Variants in PTPRG observed in about 807,000 individuals in gnomAD.
PTPRG encodes the protein receptor-type tyrosine-protein phosphatase gamma.
A neutral mutation model predicts 165.3 loss-of-function variants in PTPRG; 102 were observed. That is an observed-to-expected ratio of 0.62 (90% CI 0.53 to 0.73). PTPRG has a LOEUF of 0.73. Ranked by LOEUF, PTPRG falls within the 30% of genes least tolerant of loss-of-function variation. PTPRG has a pLI of 0.00. For missense variants in PTPRG, 1,866 were observed against 1,861.4 expected (o/e 1.00, Z -0.05); for synonymous variants, 675 against 669.5 (o/e 1.01, Z -0.13).
chr3:62,234,837 G>A (rs1576164693), intron 14 of PTPRG, among the ~76,000 whole-genome samples: 1 of 151,664 alleles, frequency 6.6e-6, no homozygotes, highest in South Asian at 2.1e-4. Flanking sequence ...TCTCCATTCT[G>A]AGGTTACTCT....
At chr3:61,835,474 C>T (rs2036430071) in intron 2 of PTPRG, among the ~76,000 whole-genome samples, 1 of 152,052 alleles carries the variant, frequency 6.6e-6, no homozygotes, top group Non-Finnish European at 1.5e-5. Flanking sequence ...GCTGGGATTA[C>T]AGGCACACGC....
intron 7 of PTPRG, among the ~76,000 whole-genome samples, chr3:62,158,279 A>C (rs769240120): frequency 5.3e-5 from 8 of 152,206 alleles, no homozygotes; most frequent in Non-Finnish European, 1.2e-4. Flanking sequence ...AAAATTCAGC[A>C]TGGACTGAAT....
At chr3:61,742,716 T>C in intron 1 of PTPRG, 1 of 1,608,596 alleles carries the variant, frequency 6.2e-7, no homozygotes, top group Non-Finnish European at 8.5e-7. Context: ...GGAACTTTCC[T>C]GCCTTATTTA....
intron 5 of PTPRG, among the ~76,000 whole-genome samples, chr3:62,087,352 G>A (rs1226031382): frequency 6.6e-6 from 1 of 152,206 alleles, no homozygotes; most frequent in Middle Eastern, 3.4e-3. Flanking sequence ...TAGATTTATC[G>A]GGAGAACTCC....
Position 62,041,733 on chromosome 3 carries a change from C to T in PTPRG, c.520-36430C>T, listed in dbSNP as rs539873105. On this transcript the variant is annotated intron_variant, in intron 4 of 29. Transcript: ENST00000474889. ...TTAGATGTCATATACCGAGATATGA[C>T]GGTGGTAATGATCATTGTGATGGTG... 7.9e-5 allele frequency among the ~76,000 whole-genome samples: 12 copies of T among 152,034 alleles called. 1 individual carries two copies. The highest frequency in any genetic ancestry group is 5.2e-4 in the Admixed American group (8 of 15,276).
intron 7 of PTPRG, among the ~76,000 whole-genome samples, chr3:62,159,124 A>T (rs888585569): frequency 6.6e-6 from 1 of 152,064 alleles, no homozygotes; most frequent in African/African-American, 2.4e-5. Context: ...CAGGAATTTG[A>T]GACCAGCCTG....
intron 29 of PTPRG, among the ~76,000 whole-genome samples, 174 bp from the exon 30 acceptor site, chr3:62,292,987 G>A (rs1702953787): frequency 6.6e-6 from 1 of 152,008 alleles, no homozygotes; most frequent in Non-Finnish European, 1.5e-5. Context: ...GAAGGTATAG[G>A]TCTTGACTAT....
rs979825101 is a variant in PTPRG at position 62,210,719 on chromosome 3, A to T, written c.2155+6769A>T. 2.6e-5 allele frequency among the ~76,000 whole-genome samples: 4 copies of T among 152,292 alleles called. No individual in the cohort carries two copies. Among genetic ancestry groups the T allele is most frequent in the African/African-American group, 9.6e-5 (4 of 41,572 alleles). On this transcript the variant is annotated intron_variant, in intron 12 of 29. Transcript: ENST00000474889. This position sits in a 1 kb window ranked among gnomAD's most constrained non-coding sequence, Gnocchi z 4.1. Reference sequence around the variant, plus strand: ...CTACTGAAAGATGATGAGAATGAAGACCTTTATGATGACCCACTTCCACTT... The same window carrying T: ...CTACTGAAAGATGATGAGAATGAAGTCCTTTATGATGACCCACTTCCACTT...
At chr3:61,596,565 T>C (rs1257224432) in intron 1 of PTPRG, among the ~76,000 whole-genome samples, 1 of 152,078 alleles carries the variant, frequency 6.6e-6, no homozygotes, top group Non-Finnish European at 1.5e-5. Flanking sequence ...GCTATTTGTT[T>C]TTTATCTAGT....
intron 2 of PTPRG, among the ~76,000 whole-genome samples, chr3:61,946,786 C>T (rs544629746): frequency 6.6e-6 from 1 of 152,328 alleles, no homozygotes; most frequent in Admixed American, 6.5e-5. Flanking sequence ...CTCTCAGAGA[C>T]CTTTTTAAGC....
chr3:61,919,610 A>T (rs912599936), intron 2 of PTPRG, among the ~76,000 whole-genome samples: 1 of 152,088 alleles, frequency 6.6e-6, no homozygotes. Context: ...ACAAATGGGA[A>T]TGGTCCTGAG....
intron 2 of PTPRG, chr3:61,769,170 G>A (rs975230123): frequency 1.5e-4 from 23 of 152,214 alleles, no homozygotes; most frequent in East Asian, 7.7e-4. Flanking sequence ...TGAATTTTGC[G>A]TAATACCTTC....
At chr3:61,912,033 A>C (rs1198915475) in intron 2 of PTPRG, among the ~76,000 whole-genome samples, 2 of 152,100 alleles carry the variant, frequency 1.3e-5, no homozygotes, top group East Asian at 3.9e-4. Flanking sequence ...ATGTCCTTCT[A>C]ATGTAATTAA....
chr3:62,009,465 C>T (rs963294611), intron 4 of PTPRG, among the ~76,000 whole-genome samples: 1 of 152,188 alleles, frequency 6.6e-6, no homozygotes, highest in African/African-American at 2.4e-5. Flanking sequence ...TCCATGTCTT[C>T]AGGTATGTTA....
chr3:61,767,527 C>G (rs1434752778), intron 2 of PTPRG, among the ~76,000 whole-genome samples: 1 of 152,140 alleles, frequency 6.6e-6, no homozygotes, highest in African/African-American at 2.4e-5. Context: ...AATATTCTTT[C>G]ATATTAATTG....
intron 2 of PTPRG, among the ~76,000 whole-genome samples, chr3:61,932,022 A>G (rs1299532382): frequency 6.6e-6 from 1 of 152,082 alleles, no homozygotes; most frequent in East Asian, 1.9e-4. Flanking sequence ...TTCATTTTTT[A>G]TTTTTTTACT....
intron 2 of PTPRG, among the ~76,000 whole-genome samples, chr3:61,906,238 A>G (rs1364824934): frequency 2.0e-5 from 3 of 151,708 alleles, no homozygotes; most frequent in African/African-American, 7.3e-5. Context: ...GTGGATCATG[A>G]GGTCAGGAGT....
At chr3:62,132,454 G>T in intron 5 of PTPRG, 148 bp from the exon 6 acceptor site, 1 of 632,424 alleles carries the variant, frequency 1.6e-6, no homozygotes, top group Non-Finnish European at 2.9e-6. Flanking sequence ...TAAATCTCCT[G>T]CATTTGGTGA....
At chr3:61,792,764 C>T (rs1202524527) in intron 2 of PTPRG, among the ~76,000 whole-genome samples, 7 of 147,716 alleles carry the variant, frequency 4.7e-5, no homozygotes, top group Non-Finnish European at 8.9e-5. Context: ...GAGTCTCGCT[C>T]GATTGCCAGG....
Sources: gnomAD v4.1 joint callset for allele counts (sites outside exome capture counted in the v4.1 genomes callset) on GRCh38, gnomAD v4.1.1 for gene constraint, Gnocchi (gnomAD v3.1) non-coding constraint, MANE v1.5 for transcripts, NCBI Gene and HGNC (gene_info 2026-07-23, HGNC 2026-07-21) for gene names.